Variants in PTPRO observed in about 807,000 individuals in gnomAD.
The protein encoded by PTPRO is protein tyrosine phosphatase receptor type O.
PTPRO carries 62 observed loss-of-function variants against 145.2 expected under a neutral mutation model. That is an observed-to-expected ratio of 0.43 (90% CI 0.35 to 0.53). PTPRO has a LOEUF of 0.53. PTPRO is among the 20% of genes least tolerant of loss of function. PTPRO has a pLI of 0.01. For synonymous variants in PTPRO, 565 were observed against 514.7 expected (o/e 1.10, Z -1.32); for missense variants, 1,345 against 1,482.7 (o/e 0.91, Z 1.53).
At chr12:15,377,633 C>A (rs1418674198) in intron 1 of PTPRO, among the ~76,000 whole-genome samples, 1 of 152,050 alleles carries the variant, frequency 6.6e-6, no homozygotes, top group Non-Finnish European at 1.5e-5. Flanking sequence ...TTGAGCAACA[C>A]TACACCAACC....
intron 1 of PTPRO, chr12:15,439,670 G>A (rs907475215): frequency 2.6e-5 from 11 of 431,348 alleles, no homozygotes; most frequent in South Asian, 5.4e-5. Context: ...CTGAGGCCAC[G>A]GAGCTCACTG....
rs1023562808 is a variant in PTPRO, at chr12:15,324,180, C to G, written c.75+1379C>G. On this transcript the variant is annotated intron_variant, in intron 1 of 26. Transcript: ENST00000281171. ...CTAACTATTTATCAAACTGTCACAA[C>G]TATTTTACCTATGCAATAATTGTCA... Among the ~76,000 whole-genome samples the G allele has an allele frequency of 5.9e-5, 9 of 152,172 alleles. No individual in the cohort carries two copies. In the South Asian group the frequency reaches 1.9e-3, roughly 31 times the overall value.
intron 13 of PTPRO, 134 bp downstream of exon 13, chr12:15,546,842 T>C (rs1943304469): frequency 7.7e-7 from 1 of 1,305,470 alleles, no homozygotes; most frequent in South Asian, 1.3e-5. Flanking sequence ...GTTTCACTGA[T>C]AGAAATTAAC....
At chr12:15,524,105 A>T (rs1199400804) in intron 10 of PTPRO, among the ~76,000 whole-genome samples, 1 of 150,526 alleles carries the variant, frequency 6.6e-6, no homozygotes, top group Non-Finnish European at 1.5e-5. Context: ...AAAAATTTAA[A>T]TGCATAAGAT....
At position 15,443,994 on chromosome 12, in the gene PTPRO, C is replaced by CAA. The variant is rs35520232; in HGVS notation, c.76-39967_76-39966dup. ...TGCAGTCTCATTAATGAGTATATAT[C>CAA]AAAAAAAAAAAAAATTCTACCAAAA... On this transcript the variant is annotated intron_variant, in intron 1 of 26. Transcript: ENST00000281171. Among the ~76,000 whole-genome samples, 569 of 144,932 alleles carry CAA rather than the reference C, an allele frequency of 3.9e-3. 1 individual carries two copies. Among genetic ancestry groups the CAA allele is most frequent in the East Asian group, 0.016 (77 of 4,920 alleles).
At chr12:15,413,873 A>G (rs936153173) in intron 1 of PTPRO, among the ~76,000 whole-genome samples, 4 of 152,188 alleles carry the variant, frequency 2.6e-5, no homozygotes, top group African/African-American at 9.6e-5. Context: ...TTAAGGGGTG[A>G]AAATATTTCA....
At chr12:15,557,973 C>T (rs898641004) in intron 16 of PTPRO, among the ~76,000 whole-genome samples, 2 of 151,786 alleles carry the variant, frequency 1.3e-5, no homozygotes, top group Non-Finnish European at 2.9e-5. Flanking sequence ...CTCCCTCTTT[C>T]GTCACCCGGG....
At chr12:15,369,109 G>C (rs570363033) in intron 1 of PTPRO, among the ~76,000 whole-genome samples, 1 of 152,166 alleles carries the variant, frequency 6.6e-6, no homozygotes, top group East Asian at 1.9e-4. Flanking sequence ...TGAATGTTTT[G>C]AAAGGAGTTT....
intron 1 of PTPRO, among the ~76,000 whole-genome samples, chr12:15,405,507 T>G (rs147752491): frequency 6.6e-6 from 1 of 152,342 alleles, no homozygotes; most frequent in East Asian, 1.9e-4. Flanking sequence ...TAGTTCCATA[T>G]GCCTTTGGTT....
chr12:15,463,766 C>T (rs1941356571), intron 1 of PTPRO, among the ~76,000 whole-genome samples: 1 of 152,052 alleles, frequency 6.6e-6, no homozygotes, highest in African/African-American at 2.4e-5. Flanking sequence ...CTTTGTTTGT[C>T]CAGGTATTCT....
intron 7 of PTPRO, among the ~76,000 whole-genome samples, chr12:15,509,250 A>G (rs983115640): frequency 1.3e-5 from 2 of 152,154 alleles, no homozygotes; most frequent in Non-Finnish European, 2.9e-5. Flanking sequence ...ACTGGTTGGA[A>G]AAAACATCAC....
At chr12:15,542,024 G>T (rs1026061383) in intron 12 of PTPRO, among the ~76,000 whole-genome samples, 1 of 151,870 alleles carries the variant, frequency 6.6e-6, no homozygotes, top group Non-Finnish European at 1.5e-5. Context: ...AAAAAAAATA[G>T]TCACATTCTG....
intron 1 of PTPRO, among the ~76,000 whole-genome samples, chr12:15,397,822 T>C (rs1591774702): frequency 6.6e-6 from 1 of 152,170 alleles, no homozygotes; most frequent in African/African-American, 2.4e-5. Context: ...GAATACTCTT[T>C]GACCAACATC....
At chr12:15,535,016 G>A (rs1565690930) in intron 12 of PTPRO, among the ~76,000 whole-genome samples, 1 of 152,106 alleles carries the variant, frequency 6.6e-6, no homozygotes, top group African/African-American at 2.4e-5. Flanking sequence ...TTTCTGATAC[G>A]GCAGAAACAC....
intron 9 of PTPRO, among the ~76,000 whole-genome samples, chr12:15,517,934 G>A (rs1156530994): frequency 2.0e-5 from 3 of 152,206 alleles, no homozygotes; most frequent in East Asian, 1.9e-4. Context: ...CCATTCTGGG[G>A]TCTGGAGGAT....
intron 25 of PTPRO, among the ~76,000 whole-genome samples, chr12:15,592,936 C>T (rs1428485972): frequency 6.6e-6 from 1 of 152,166 alleles, no homozygotes; most frequent in Non-Finnish European, 1.5e-5. Flanking sequence ...GTTTGAATTT[C>T]GGGACTTTCA....
At chr12:15,546,528 T>G (rs1943293535) in intron 12 of PTPRO, 41 bp from the exon 13 acceptor site, 3 of 1,549,844 alleles carry the variant, frequency 1.9e-6, no homozygotes, top group Non-Finnish European at 2.6e-6. Context: ...AAGAATACAC[T>G]TAGTAAATTA....
At chr12:15,591,590 G>C (rs1944554370) in intron 25 of PTPRO, among the ~76,000 whole-genome samples, 1 of 151,990 alleles carries the variant, frequency 6.6e-6, no homozygotes, top group Non-Finnish European at 1.5e-5. Context: ...CCTAAATTTT[G>C]GTTGTTTTAT....
chr12:15,400,377 G>A (rs1939458251), intron 1 of PTPRO, among the ~76,000 whole-genome samples: 1 of 152,136 alleles, frequency 6.6e-6, no homozygotes, highest in East Asian at 1.9e-4. Flanking sequence ...CTCACCTGCT[G>A]CACCTTGTAC....
Sources: allele counts gnomAD v4.1 joint callset (sites outside exome capture counted in the v4.1 genomes callset), GRCh38; gene constraint gnomAD v4.1.1; transcripts MANE v1.5; gene names NCBI Gene and HGNC (gene_info 2026-07-23, HGNC 2026-07-21).